Variants in PPFIA2 observed in about 807,000 individuals in gnomAD.
The protein encoded by PPFIA2 is PPFI scaffold protein A2, also known as liprin-alpha-2.
A neutral mutation model predicts 175.5 loss-of-function variants in PPFIA2; 46 were observed. The ratio of observed to expected loss-of-function variants is 0.26; its 90% CI spans 0.21 to 0.34. The LOEUF (loss-of-function observed/expected upper bound fraction) is 0.34, where lower values mean the gene tolerates loss of function less well. Among genes scored for constraint, PPFIA2 ranks in the 10% least tolerant of loss-of-function variants. The probability of loss-of-function intolerance (pLI) is 1.00; values close to 1 mark genes in which losing one functional copy is unlikely to be tolerated. For synonymous variants in PPFIA2, 568 were observed against 511.4 expected, an observed-to-expected ratio of 1.11 and a Z score of -1.49; for missense variants, 1,179 against 1,506.1, an observed-to-expected ratio of 0.78 and a Z score of 3.60.
intron 3 of PPFIA2, among the ~76,000 whole-genome samples, chr12:81,731,778 AAGGGGAATAATAAT>A (rs1374331375): frequency 1.3e-5 from 2 of 151,574 alleles, no homozygotes; most frequent in African/African-American, 4.8e-5. Flanking sequence ...TTATCTGTAA[AAGGGGAATAATAAT>A]AGTACCTCTA....
chr12:81,520,391 A>G (rs2062974621), intron 4 of PPFIA2, among the ~76,000 whole-genome samples: 1 of 152,080 alleles, frequency 6.6e-6, no homozygotes, highest in South Asian at 2.1e-4. Flanking sequence ...TATTTCTGGA[A>G]TTTTCCATTT....
intron 4 of PPFIA2, among the ~76,000 whole-genome samples, chr12:81,596,946 G>A (rs996672869): frequency 5.3e-5 from 8 of 152,066 alleles, no homozygotes; most frequent in Non-Finnish European, 7.4e-5. Flanking sequence ...ACTGCCTACA[G>A]TTTGCAAAGG....
At chr12:81,363,310 T>C (rs1295324817) in intron 14 of PPFIA2, among the ~76,000 whole-genome samples, 2 of 151,422 alleles carry the variant, frequency 1.3e-5, no homozygotes, top group African/African-American at 4.8e-5. Flanking sequence ...TTTATTTATT[T>C]AAAGACAGGG....
chr12:81,313,750 C>G (rs573405682), intron 22 of PPFIA2, among the ~76,000 whole-genome samples: 1 of 152,038 alleles, frequency 6.6e-6, no homozygotes, highest in African/African-American at 2.4e-5. Context: ...GCATTTGGGA[C>G]TAGTTATCAC....
intron 4 of PPFIA2, among the ~76,000 whole-genome samples, chr12:81,466,503 G>C (rs1056172229): frequency 4.6e-5 from 7 of 152,080 alleles, no homozygotes; most frequent in African/African-American, 1.7e-4. Context: ...TGTCCATCAA[G>C]CCATGAATCA....
chr12:81,509,911 T>A (rs531721264), intron 4 of PPFIA2, among the ~76,000 whole-genome samples: 1 of 152,274 alleles, frequency 6.6e-6, no homozygotes, highest in South Asian at 2.1e-4. Flanking sequence ...TTCAGAACCA[T>A]TCTATGCTAT....
At position 81,325,640 on chromosome 12, in the gene PPFIA2, G is replaced by A. The variant is rs544610024; in HGVS notation, c.2642+137C>T. The A allele has an allele frequency of 1.9e-5, 11 of 588,022 alleles. No homozygotes were observed. The South Asian group carries it at 2.0e-4, about 11-fold the overall frequency. 36.4% of individuals were successfully genotyped at this position (588,022 alleles called of 1,614,324 possible). A position where few individuals can be genotyped will look rare whatever the true frequency, so the allele number is the denominator to read the frequency against. On this transcript the variant is annotated intron_variant, in intron 22 of 32. Transcript: ENST00000549396. ...TATAACCAGGAAACATAAGCCCTGA[G>A]TGTTTTAGGTAGTATCTGGAAAATA...
chr12:81,725,136 C>G (rs917525609), intron 3 of PPFIA2, among the ~76,000 whole-genome samples: 1 of 150,684 alleles, frequency 6.6e-6, no homozygotes, highest in African/African-American at 2.4e-5. Context: ...ATTAATTCAG[C>G]TTTTTTTCAG....
At chr12:81,638,228 C>A (rs1205812319) in intron 4 of PPFIA2, among the ~76,000 whole-genome samples, 1 of 152,006 alleles carries the variant, frequency 6.6e-6, no homozygotes, top group African/African-American at 2.4e-5. Context: ...TTATCACCAC[C>A]CTGTATGACT....
At chr12:81,667,193 A>C (rs1039395283) in intron 4 of PPFIA2, among the ~76,000 whole-genome samples, 5 of 152,002 alleles carry the variant, frequency 3.3e-5, no homozygotes, top group African/African-American at 1.2e-4. Context: ...TTTCCACTAT[A>C]TCTTCCCCTC....
intron 6 of PPFIA2, among the ~76,000 whole-genome samples, chr12:81,442,026 T>C (rs1359309418): frequency 6.6e-6 from 1 of 152,108 alleles, no homozygotes; most frequent in East Asian, 1.9e-4. Flanking sequence ...CTTTCTTTCT[T>C]TTTTTAAACT....
rs185267383 is a variant in PPFIA2 at position 81,697,580 on chromosome 12, T to A, written c.250-20736A>T. On this transcript the variant is annotated intron_variant, in intron 3 of 32. Transcript: ENST00000549396. Reference sequence around the variant, plus strand: ...TTTACATTATTCAGAGCAAGACAATTCAAATTCTTTAGTAATAACATTCGT... The same window carrying A: ...TTTACATTATTCAGAGCAAGACAATACAAATTCTTTAGTAATAACATTCGT... Among the ~76,000 whole-genome samples, 15 of 152,260 alleles carry A rather than the reference T, an allele frequency of 9.9e-5. No homozygotes were observed. In the East Asian group the frequency reaches 2.9e-3, roughly 29 times the overall value.
At chr12:81,602,782 G>C (rs551561225) in intron 4 of PPFIA2, among the ~76,000 whole-genome samples, 2 of 151,878 alleles carry the variant, frequency 1.3e-5, no homozygotes, top group South Asian at 4.1e-4. Context: ...TTTAAATGCA[G>C]ACAGAACTCC....
At chr12:81,578,088 C>A (rs1212339971) in intron 4 of PPFIA2, among the ~76,000 whole-genome samples, 1 of 151,556 alleles carries the variant, frequency 6.6e-6, no homozygotes, top group Non-Finnish European at 1.5e-5. Flanking sequence ...GGGCTGGAGG[C>A]CTTAGTGACT....
intron 21 of PPFIA2, among the ~76,000 whole-genome samples, chr12:81,330,063 T>C (rs1447562850): frequency 1.3e-5 from 2 of 152,178 alleles, no homozygotes; most frequent in Non-Finnish European, 2.9e-5. Flanking sequence ...AGGTATCTAT[T>C]CATTTGGATT....
At chr12:81,424,953 A>C (rs1212774306) in intron 7 of PPFIA2, 1 of 152,236 alleles carries the variant, frequency 6.6e-6, no homozygotes, top group Admixed American at 6.5e-5. Flanking sequence ...TTGATTAACC[A>C]AAACCTGGAG....
chr12:81,500,288 C>T (rs184974591), intron 4 of PPFIA2, among the ~76,000 whole-genome samples: 1 of 152,150 alleles, frequency 6.6e-6, no homozygotes, highest in Non-Finnish European at 1.5e-5. Context: ...TGCAAGATAC[C>T]CTCCCTATCC....
At chr12:81,600,513 T>A (rs1026280602) in intron 4 of PPFIA2, among the ~76,000 whole-genome samples, 4 of 151,994 alleles carry the variant, frequency 2.6e-5, no homozygotes, top group African/African-American at 9.7e-5. Flanking sequence ...GTGAGTAAAC[T>A]TGAAAATTTA....
intron 4 of PPFIA2, among the ~76,000 whole-genome samples, chr12:81,663,679 A>C (rs2069446092): frequency 6.6e-6 from 1 of 152,210 alleles, no homozygotes; most frequent in Non-Finnish European, 1.5e-5. Flanking sequence ...ACAGAATTGG[A>C]AAAAACCACT....
Sources: allele counts gnomAD v4.1 joint callset (sites outside exome capture counted in the v4.1 genomes callset), GRCh38; gene constraint gnomAD v4.1.1; transcripts MANE v1.5; gene names NCBI Gene and HGNC (gene_info 2026-07-23, HGNC 2026-07-21).